KCNIP4: variants seen among roughly 807,000 people sequenced by gnomAD.
The protein encoded by KCNIP4 is potassium voltage-gated channel interacting protein 4, also known as Kv channel-interacting protein 4.
KCNIP4 carries 12 observed loss-of-function variants against 34.0 expected under a neutral mutation model. The observed-to-expected ratio is 0.35, with a 90% CI of 0.23 to 0.57. KCNIP4 has a LOEUF of 0.57. Among genes scored for constraint, KCNIP4 ranks in the 20% least tolerant of loss-of-function variants. The pLI, the probability that KCNIP4 is intolerant of heterozygous loss-of-function variation, is 0.83. For missense variants in KCNIP4, 238 were observed against 311.7 expected, an observed-to-expected ratio of 0.76 and a Z score of 1.78; for synonymous variants, 124 against 102.2, an observed-to-expected ratio of 1.21 and a Z score of -1.29.
intron 3 of KCNIP4, among the ~76,000 whole-genome samples, chr4:20,773,488 G>A (rs1578584749): frequency 1.3e-5 from 2 of 152,190 alleles, no homozygotes; most frequent in Non-Finnish European, 2.9e-5. Context: ...TGTTGACTCT[G>A]AGCAAGCTGG....
At chr4:21,357,658 G>C (rs746641082) in intron 1 of KCNIP4, among the ~76,000 whole-genome samples, 1 of 152,156 alleles carries the variant, frequency 6.6e-6, no homozygotes, top group Non-Finnish European at 1.5e-5. Context: ...TCATTGAAAG[G>C]TCAGGAAACA....
intron 1 of KCNIP4, among the ~76,000 whole-genome samples, chr4:21,077,295 G>A (rs1745575073): frequency 6.6e-6 from 1 of 151,996 alleles, no homozygotes; most frequent in Non-Finnish European, 1.5e-5. Flanking sequence ...ATTCTATAAT[G>A]TTCGCTTATC....
At chr4:21,137,794 T>C (rs1261937893) in intron 1 of KCNIP4, among the ~76,000 whole-genome samples, 3 of 151,846 alleles carry the variant, frequency 2.0e-5, no homozygotes, top group Non-Finnish European at 2.9e-5. Flanking sequence ...CTCTAGATGT[T>C]ATTATGAACA....
chr4:21,393,565 C>T (rs1347062468), intron 1 of KCNIP4, among the ~76,000 whole-genome samples: 1 of 152,082 alleles, frequency 6.6e-6, no homozygotes, highest in Non-Finnish European at 1.5e-5. Context: ...TATCTCAGAC[C>T]TGATATCCAT....
At chr4:20,743,684 C>T (rs1751720756) in intron 5 of KCNIP4, among the ~76,000 whole-genome samples, 1 of 152,148 alleles carries the variant, frequency 6.6e-6, no homozygotes, top group Non-Finnish European at 1.5e-5. Flanking sequence ...AAAACCTAGG[C>T]AATACCATTC....
intron 1 of KCNIP4, among the ~76,000 whole-genome samples, chr4:21,403,697 T>G (rs1192695356): frequency 6.6e-6 from 1 of 152,182 alleles, no homozygotes; most frequent in Non-Finnish European, 1.5e-5. Flanking sequence ...TAGACAATTA[T>G]TTCTCACATT....
intron 1 of KCNIP4, among the ~76,000 whole-genome samples, chr4:21,041,943 T>C (rs1001067506): frequency 6.6e-6 from 1 of 152,170 alleles, no homozygotes; most frequent in African/African-American, 2.4e-5. Context: ...ATCTTATCTA[T>C]AAAAATAAAG....
chr4:20,996,779 C>T (rs922803890), intron 1 of KCNIP4, among the ~76,000 whole-genome samples: 2 of 151,648 alleles, frequency 1.3e-5, no homozygotes, highest in Non-Finnish European at 2.9e-5. Flanking sequence ...TTTTTAAATG[C>T]CTCTTAGCAC....
chr4:21,120,999 G>T (rs1313798524), intron 1 of KCNIP4, among the ~76,000 whole-genome samples: 1 of 152,196 alleles, frequency 6.6e-6, no homozygotes, highest in Non-Finnish European at 1.5e-5. Context: ...TGTAGAAAAG[G>T]AAGCTGAGTG....
intron 1 of KCNIP4, among the ~76,000 whole-genome samples, chr4:21,194,497 T>C (rs1755911745): frequency 6.6e-6 from 1 of 152,218 alleles, no homozygotes; most frequent in Non-Finnish European, 1.5e-5. Flanking sequence ...TCTCGGGTCC[T>C]AATGGTCTCA....
At chr4:21,769,644 A>T (rs1718646171) in intron 1 of KCNIP4, among the ~76,000 whole-genome samples, 2 of 152,126 alleles carry the variant, frequency 1.3e-5, no homozygotes, top group South Asian at 4.1e-4. Flanking sequence ...CTGGCATGAG[A>T]CTGAAGGTTG....
intron 1 of KCNIP4, among the ~76,000 whole-genome samples, chr4:21,807,091 G>A (rs917725316): frequency 6.6e-6 from 1 of 152,026 alleles, no homozygotes; most frequent in African/African-American, 2.4e-5. Flanking sequence ...TAAGGAGCAT[G>A]CAACCTAGAG....
chr4:21,584,604 A>G lies in KCNIP4; in HGVS notation c.61+363967T>C, dbSNP rs372871363. 2.0e-5 allele frequency among the ~76,000 whole-genome samples: 3 copies of G among 152,118 alleles called. No homozygotes were observed. The East Asian group carries it at 5.8e-4, about 29-fold the overall frequency. The stretch of plus-strand genomic sequence containing the variant: ...ACAATTATTACTAATCCTCAAAATA[A>G]CCAATTAGCTGGCATTATTCCCCCT... On this transcript the variant is annotated intron_variant, in intron 1 of 8. Coordinates refer to ENST00000382152, the MANE Select transcript of KCNIP4 (RefSeq NM_025221.6).
At chr4:20,825,702 A>G (rs1717676050) in intron 3 of KCNIP4, among the ~76,000 whole-genome samples, 1 of 152,210 alleles carries the variant, frequency 6.6e-6, no homozygotes, top group South Asian at 2.1e-4. Context: ...TTTGAGATTT[A>G]TTACCAGAGG....
At chr4:20,731,758 A>G (rs1560403311) in intron 8 of KCNIP4, 3 of 985,440 alleles carry the variant, frequency 3.0e-6, no homozygotes, top group Non-Finnish European at 3.6e-6. Flanking sequence ...TTGGGAATCA[A>G]CACAGTACAT....
chr4:20,823,618 A>G lies in KCNIP4; in HGVS notation c.288+26925T>C, dbSNP rs566092117. 1.2e-3 allele frequency among the ~76,000 whole-genome samples: 181 copies of G among 152,286 alleles called. 1 individual carries two copies. The highest frequency in any genetic ancestry group is 3.9e-3 in the African/African-American group (162 of 41,564). ...CACATGAGGCTACAAGGAGAAGCAA[A>G]CAATCTGAACCAGGAAGCAGGTTCT... On this transcript the variant is annotated intron_variant, in intron 3 of 8. Coordinates refer to ENST00000382152, the MANE Select transcript of KCNIP4 (RefSeq NM_025221.6).
intron 1 of KCNIP4, among the ~76,000 whole-genome samples, chr4:21,361,034 G>A (rs1014526341): frequency 2.0e-5 from 3 of 151,540 alleles, no homozygotes; most frequent in Admixed American, 1.3e-4. Context: ...CATCATTATC[G>A]TCATCATCAT....
chr4:21,296,967 T>C (rs919567386), intron 1 of KCNIP4, among the ~76,000 whole-genome samples: 5 of 151,048 alleles, frequency 3.3e-5, no homozygotes, highest in African/African-American at 1.2e-4. Context: ...GTGACTTGTG[T>C]GTGTGTATAT....
At chr4:21,008,387 GCTA>G (rs1459511131) in intron 1 of KCNIP4, among the ~76,000 whole-genome samples, 3 of 152,104 alleles carry the variant, frequency 2.0e-5, no homozygotes, top group Admixed American at 1.3e-4. Context: ...CTGAAATTAG[GCTA>G]CTATGTTTGC....
Sources: gnomAD v4.1 joint callset for allele counts (sites outside exome capture counted in the v4.1 genomes callset) on GRCh38, gnomAD v4.1.1 for gene constraint, MANE v1.5 for transcripts, NCBI Gene and HGNC (gene_info 2026-07-23, HGNC 2026-07-21) for gene names.